CD81: variants seen among roughly 807,000 people sequenced by gnomAD.
The protein encoded by CD81 is CD81 antigen.
Under a neutral mutation model 30.1 loss-of-function variants are expected in CD81, and 10 were observed. The observed-to-expected ratio is 0.33, with a 90% CI of 0.21 to 0.56. CD81 has a LOEUF of 0.56. Among genes scored for constraint, CD81 ranks in the 20% least tolerant of loss-of-function variants. The probability of loss-of-function intolerance (pLI) is 0.89; values close to 1 mark genes in which losing one functional copy is unlikely to be tolerated. For synonymous variants in CD81, 147 were observed against 126.4 expected, an observed-to-expected ratio of 1.16 and a Z score of -1.10; for missense variants, 263 against 308.7, an observed-to-expected ratio of 0.85 and a Z score of 1.11.
chr11:2,394,372 C>T (rs1051207344), intron 3 of CD81, among the ~76,000 whole-genome samples, 180 bp downstream of exon 3: 5 of 152,202 alleles, frequency 3.3e-5, no homozygotes, highest in East Asian at 1.9e-4. Context: ...TGGTCTCCAT[C>T]GTGGCCAGTT....
intron 1 of CD81, chr11:2,379,127 G>T (rs1291045585): frequency 1.5e-5 from 7 of 455,142 alleles, no homozygotes; most frequent in African/African-American, 1.2e-4. Flanking sequence ...GTGGTGGCCT[G>T]CTTCAGCCCA....
intron 6 of CD81, chr11:2,396,356 A>C (rs1452525071): frequency 3.4e-6 from 2 of 589,164 alleles, no homozygotes; most frequent in Non-Finnish European, 6.1e-6. Flanking sequence ...GTGATGCTTT[A>C]GGGGTCTAGT....
intron 1 of CD81, among the ~76,000 whole-genome samples, chr11:2,384,972 A>G (rs1370926572): frequency 6.6e-6 from 1 of 152,052 alleles, no homozygotes; most frequent in East Asian, 1.9e-4. Flanking sequence ...TTTAACTGAC[A>G]TCGGGCTCCA....
At chr11:2,386,623 G>C (rs575352816) in intron 1 of CD81, 283 of 717,188 alleles carry the variant, frequency 3.9e-4, no homozygotes, top group African/African-American at 3.5e-3. Context: ...GCTAGGGCTG[G>C]GAAGACCAAG....
Position 2,377,483 on chromosome 11 carries a change from C to A in CD81, c.-67C>A. On this transcript the variant is annotated 5_prime_UTR_variant, in exon 1 of 8. Coordinates refer to ENST00000263645, the MANE Select transcript of CD81 (RefSeq NM_004356.4). The surrounding 1 kb of genome is among the most constrained non-coding windows in gnomAD (Gnocchi z 7.7). Reference sequence around the variant, plus strand: ...CCCCTTGCCGGCCACCCGCCAGGCCCCGCGCCGGCCCGCCCGCCGCCCAGG... The same window carrying A: ...CCCCTTGCCGGCCACCCGCCAGGCCACGCGCCGGCCCGCCCGCCGCCCAGG... 2 of 701,296 alleles carry A rather than the reference C, an allele frequency of 2.9e-6. No individual in the cohort carries two copies. Among genetic ancestry groups the A allele is most frequent in the Non-Finnish European group, 3.5e-6 (2 of 572,164 alleles). The allele number at this position is 701,296 out of a possible 1,614,324, so 43.4% of individuals were successfully genotyped here.
chr11:2,391,674 T>C (rs1007824737), intron 2 of CD81: 2 of 152,054 alleles, frequency 1.3e-5, no homozygotes, highest in African/African-American at 4.8e-5. Flanking sequence ...GCCCTGCCCA[T>C]AGGTTCCTGG....
chr11:2,387,471 C>T (rs999856997), intron 1 of CD81, among the ~76,000 whole-genome samples: 3 of 152,250 alleles, frequency 2.0e-5, no homozygotes, highest in African/African-American at 7.2e-5. Context: ...CACCTCCTCC[C>T]GCCAGGCTGC....
At chr11:2,394,673 G>T (rs751669812) in intron 3 of CD81, among the ~76,000 whole-genome samples, 7 of 152,194 alleles carry the variant, frequency 4.6e-5, no homozygotes, top group Non-Finnish European at 1.0e-4. Flanking sequence ...CCTGGGGGCT[G>T]CAGACATCCT....
chr11:2,396,626 A>C lies in CD81; in HGVS notation c.562-2A>C. 6.2e-7 allele frequency: 1 copy of C among 1,610,866 alleles called. No homozygotes were observed. Among genetic ancestry groups the C allele is most frequent in the Non-Finnish European group, 8.5e-7 (1 of 1,179,842 alleles). ...ACCACGCGTGCCTGGCCACCCCTGC[A>C]GGAGGACTGCCACCAGAAGATCGAT... On this transcript the variant is annotated splice_acceptor_variant, in intron 6 of 7. Transcript: ENST00000263645. LOFTEE classifies it high-confidence loss of function.
intron 6 of CD81, 23 bp from the exon 7 acceptor site, chr11:2,396,605 C>G (rs369074039): frequency 1.2e-6 from 2 of 1,600,606 alleles, no homozygotes; most frequent in Non-Finnish European, 1.7e-6. Context: ...TCCCTGACCA[C>G]GCGTGCCTGG....
intron 1 of CD81, among the ~76,000 whole-genome samples, chr11:2,381,699 TGCCCTGCCCCTTGCTTGG>T (rs1184778430): frequency 6.6e-6 from 1 of 152,160 alleles, no homozygotes; most frequent in Non-Finnish European, 1.5e-5. Context: ...AGGAGCCAGG[TGCCCTGCCCCTTGCTTGG>T]GCCCCGTGTC....
chr11:2,377,756 G>T lies in CD81; in HGVS notation c.66+141G>T, dbSNP rs1254921736. The T allele has an allele frequency of 8.9e-6, 3 of 337,634 alleles. No homozygotes were observed. Among genetic ancestry groups the T allele is most frequent in the African/African-American group, 2.3e-5 (1 of 44,294 alleles). The allele number at this position is 337,634 out of a possible 1,614,324, so 20.9% of individuals were successfully genotyped here. A position where few individuals can be genotyped will look rare whatever the true frequency, so the allele number is the denominator to read the frequency against. ...GGCCACCTGTGGGCTCCAGGAGCGGGGTGGGGGGTCGCCCGGGGCCACCGC... is the reference window on the plus strand; with the variant it reads ...GGCCACCTGTGGGCTCCAGGAGCGGTGTGGGGGGTCGCCCGGGGCCACCGC... On this transcript the variant is annotated intron_variant, in intron 1 of 7. Transcript: ENST00000263645. This position sits in a 1 kb window ranked among gnomAD's most constrained non-coding sequence, Gnocchi z 7.7.
At chr11:2,389,747 CCCA>C in intron 1 of CD81, among the ~76,000 whole-genome samples, 1 of 152,262 alleles carries the variant, frequency 6.6e-6, no homozygotes, top group Admixed American at 6.5e-5. Flanking sequence ...GGGCTGACAT[CCCA>C]CAGCAGGGAT....
upstream of CD81, among the ~76,000 whole-genome samples, chr11:2,376,663 A>G (rs551003514): frequency 6.6e-6 from 1 of 152,288 alleles, no homozygotes; most frequent in East Asian, 1.9e-4. Flanking sequence ...GACACTTCAC[A>G]CTGTTCTGGG....
intron 1 of CD81, among the ~76,000 whole-genome samples, chr11:2,388,480 G>A (rs1191418217): frequency 6.6e-6 from 1 of 152,224 alleles, no homozygotes; most frequent in African/African-American, 2.4e-5. Context: ...CCCTGGCCAG[G>A]GCCATTGGAA....
At position 2,377,639 on chromosome 11, in the gene CD81, G is replaced by A. The variant is rs751387081; in HGVS notation, c.66+24G>A. 41 of 1,477,322 alleles carry A rather than the reference G, an allele frequency of 2.8e-5. No homozygotes were observed. Among genetic ancestry groups the A allele is most frequent in the East Asian group, 1.8e-4 (7 of 38,244 alleles). 91.5% of individuals were successfully genotyped at this position (1,477,322 alleles called of 1,614,324 possible). On this transcript the variant is annotated intron_variant, in intron 1 of 7. Transcript: ENST00000263645. This position sits in a 1 kb window ranked among gnomAD's most constrained non-coding sequence, Gnocchi z 7.7. ...GGGTAAGGGCTGCGCCGGGGGCCGG[G>A]GCGGGAGGGGGCAGGCACACACTCC...
intron 2 of CD81, chr11:2,393,768 G>A (rs1216793640): frequency 3.3e-6 from 2 of 608,666 alleles, no homozygotes; most frequent in African/African-American, 3.7e-5. Flanking sequence ...GCAGGCGGTG[G>A]GTGGTGGGTG....
intron 1 of CD81, chr11:2,382,527 T>C (rs943101690): frequency 3.9e-5 from 6 of 152,258 alleles, no homozygotes; most frequent in Non-Finnish European, 8.8e-5. Flanking sequence ...CTCCCAGTTA[T>C]GGAAGTGGCG....
chr11:2,396,675 C>A lies in CD81; in HGVS notation c.609C>A (p.Tyr203Ter). 1 of 1,611,936 alleles carries A rather than the reference C, an allele frequency of 6.2e-7. No homozygotes were observed. Among genetic ancestry groups the A allele is most frequent in the South Asian group, 1.1e-5 (1 of 91,090 alleles). The change falls in exon 7 of 8, where the codon TAC becomes TAA. Residue 203 changes from tyrosine to a stop codon, truncating the protein, a stop_gained. Transcript: ENST00000263645. LOFTEE classifies it high-confidence loss of function. ...ATGACCTCTTCTCCGGGAAGCTGTA[C>A]CTCATCGGCATTGCTGCCATCGTGG... is the stretch of plus-strand genomic sequence containing the variant. ...KIDDLFSGKL[Y>*]LIGIAAIVVA... is the part of the protein sequence containing the mutation.
Sources: allele counts gnomAD v4.1 joint callset (sites outside exome capture counted in the v4.1 genomes callset), GRCh38; gene constraint gnomAD v4.1.1; non-coding constraint Gnocchi (gnomAD v3.1); transcripts MANE v1.5; gene names NCBI Gene and HGNC (gene_info 2026-07-23, HGNC 2026-07-21).